The following CEP192 variants were observed in gnomAD, a reference collection of about 807,000 sequenced individuals.
The protein encoded by CEP192 is centrosomal protein of 192 kDa.
Under a neutral mutation model 271.8 loss-of-function variants are expected in CEP192, and 151 were observed. That is an observed-to-expected ratio of 0.56 (90% CI 0.49 to 0.64). The LOEUF (loss-of-function observed/expected upper bound fraction) is 0.64. Ranked by LOEUF, CEP192 falls within the 30% of genes least tolerant of loss-of-function variation. The pLI, the probability that CEP192 is intolerant of heterozygous loss-of-function variation, is 0.00. For missense variants in CEP192, 2,910 were observed against 3,020.5 expected (o/e 0.96, Z 0.86); for synonymous variants, 995 against 1,076.5 (o/e 0.92, Z 1.48).
Position 13,100,311 on chromosome 18 carries a change from G to C in CEP192, c.6670G>C (p.Val2224Leu). ...IHCDDGQKKI[V>L]KVQIREDLTQ... ...TTTATTTGGCTCATTTCAGAAAATT[G>C]TGAAAGTTCAAATTCGAGAAGATTT... The change falls in exon 38 of 45, where the codon GTG becomes CTG. Residue 2224 changes from valine (V) to leucine (L), a missense_variant. Coordinates refer to ENST00000506447, the MANE Select transcript of CEP192 (RefSeq NM_032142.4). 1 of 1,613,092 alleles carries C rather than the reference G, an allele frequency of 6.2e-7. No individual in the cohort carries two copies. The highest frequency in any genetic ancestry group is 8.5e-7 in the Non-Finnish European group (1 of 1,179,130).
rs1202712603 is a variant in CEP192 at position 13,073,070 on chromosome 18, C to T, written c.5501C>T (p.Pro1834Leu). ...AGTAACTGTGAGATCAGAATTCACC[C>T]AAAGGAAGACATTTTCATCTCTGTA... The part of the protein sequence containing the change: ...LTSNCEIRIH[P>L]KEDIFISVLF... Residue 1834 changes from proline (P) to leucine (L), a missense_variant, in exon 30 of 45, where the codon CCA becomes CTA. By Grantham distance (98) the Pro-to-Leu change is moderately conservative. Coordinates refer to ENST00000506447, the MANE Select transcript of CEP192 (RefSeq NM_032142.4). 6.2e-7 allele frequency: 1 copy of T among 1,613,724 alleles called. No individual in the cohort carries two copies. Among genetic ancestry groups the T allele is most frequent in the South Asian group, 1.1e-5 (1 of 90,952 alleles).
chr18:13,068,542 T>G, intron 24 of CEP192, 120 bp downstream of exon 24: 2 of 938,830 alleles, frequency 2.1e-6, no homozygotes, highest in Non-Finnish European at 3.2e-6. Context: ...CTATTTTATG[T>G]TTTTTTGAAA....
At position 13,087,192 on chromosome 18, in the gene CEP192, A is replaced by C; in HGVS notation, c.5792A>C (p.Lys1931Thr). The C allele has an allele frequency of 6.2e-7, 1 of 1,614,006 alleles. No homozygotes were observed. The highest frequency in any genetic ancestry group is 8.5e-7 in the Non-Finnish European group (1 of 1,179,882). ...GCTTTTGTTAAAGCAGTAGGTTTTA[A>C]GGATTCTCAGAAAAAAGTTTTGCTG... is the stretch of plus-strand genomic sequence containing the variant. Reference protein sequence around the residue: ...RAAFVKAVGFKDSQKKVLLDP... With the variant: ...RAAFVKAVGFTDSQKKVLLDP... The change falls in exon 31 of 45, where the codon AAG becomes ACG. Residue 1931 changes from lysine to threonine, a missense_variant. Physicochemically the swap from Lys to Thr is moderately conservative, Grantham distance 78 (BLOSUM62 -1). Transcript: ENST00000506447.
chr18:13,089,606 G>A, intron 33 of CEP192, 41 bp downstream of exon 33: 1 of 942,600 alleles, frequency 1.1e-6, no homozygotes, highest in Admixed American at 2.0e-5. Context: ...AATCTTTTGG[G>A]TCATTTATAG....
At chr18:13,007,503 T>G (rs2034058577) in intron 3 of CEP192, among the ~76,000 whole-genome samples, 1 of 152,158 alleles carries the variant, frequency 6.6e-6, no homozygotes, top group Non-Finnish European at 1.5e-5. Flanking sequence ...CCTGACTTGT[T>G]TATTTATTTC....
At chr18:13,073,878 G>A (rs183917588) in intron 30 of CEP192, among the ~76,000 whole-genome samples, 3 of 152,304 alleles carry the variant, frequency 2.0e-5, no homozygotes, top group East Asian at 1.9e-4. Context: ...GGACATCACC[G>A]TTTAGACCAT....
intron 10 of CEP192, among the ~76,000 whole-genome samples, 172 bp from the exon 11 acceptor site, chr18:13,030,293 A>G (rs1246236598): frequency 6.6e-6 from 1 of 152,162 alleles, no homozygotes; most frequent in Non-Finnish European, 1.5e-5. Context: ...CTTTCTATCA[A>G]AGAGATACTT....
intron 11 of CEP192, among the ~76,000 whole-genome samples, chr18:13,035,818 C>T (rs1385111708): frequency 1.3e-5 from 2 of 152,162 alleles, no homozygotes; most frequent in African/African-American, 4.8e-5. Flanking sequence ...TCCTGATGCT[C>T]ATTCCTAGGT....
chr18:13,062,446 T>G (rs1434313777), intron 21 of CEP192, among the ~76,000 whole-genome samples: 5 of 152,162 alleles, frequency 3.3e-5, no homozygotes, highest in African/African-American at 9.6e-5. Context: ...TGGCTAGATA[T>G]TGCCAATTTG....
chr18:13,035,923 T>C (rs1206777765), intron 11 of CEP192, among the ~76,000 whole-genome samples: 1 of 152,166 alleles, frequency 6.6e-6, no homozygotes, highest in East Asian at 1.9e-4. Context: ...GGTGAGTGAA[T>C]TGCTTGAGCC....
At chr18:13,022,155 T>G (rs1356166054) in intron 9 of CEP192, among the ~76,000 whole-genome samples, 1 of 152,202 alleles carries the variant, frequency 6.6e-6, no homozygotes, top group Non-Finnish European at 1.5e-5. Context: ...TTGCCATTGT[T>G]CCTTTGTCAA....
At chr18:13,038,232 G>A in intron 12 of CEP192, 138 bp from the exon 13 acceptor site, 2 of 667,158 alleles carry the variant, frequency 3.0e-6, no homozygotes, top group Non-Finnish European at 5.1e-6. Context: ...GCTTCAGTTT[G>A]TCCAATTTTT....
intron 36 of CEP192, among the ~76,000 whole-genome samples, chr18:13,098,040 ACTT>A (rs2039493319): frequency 1.3e-5 from 2 of 152,096 alleles, no homozygotes; most frequent in African/African-American, 4.8e-5. Flanking sequence ...TCCCATGTCT[ACTT>A]CTTTCTACAC....
chr18:13,029,767 T>A lies in CEP192; in HGVS notation c.1155T>A (p.Asp385Glu). The change falls in exon 10 of 45, where the codon GAT (aspartate) becomes GAA (glutamate). Residue 385 changes from aspartate (D) to glutamate (E), a missense_variant. By Grantham distance (45) the Asp-to-Glu change is conservative (BLOSUM62 2). Transcript: ENST00000506447. ...HDANANRGGF[D>E]LTDPVKQGAE... ...CAAATGCCAATAGAGGTGGTTTTGA[T>A]CTGACTGACCCTGTAAAACAGGGGG... 2 of 1,551,644 alleles carry A rather than the reference T, an allele frequency of 1.3e-6. No homozygotes were observed. The highest frequency in any genetic ancestry group is 1.7e-6 in the Non-Finnish European group (2 of 1,146,942).
rs999668148 is a variant in CEP192 at position 13,053,166 on chromosome 18, A to G, written c.3189+76A>G. 8.0e-6 allele frequency: 10 copies of G among 1,245,530 alleles called. No homozygotes were observed. In the African/African-American group the frequency reaches 1.2e-4, roughly 15 times the overall value. The allele number at this position is 1,245,530 out of a possible 1,614,324, so 77.2% of individuals were successfully genotyped here. A position where few individuals can be genotyped will look rare whatever the true frequency, so the allele number is the denominator to read the frequency against. On this transcript the variant is annotated intron_variant, in intron 18 of 44. Coordinates refer to ENST00000506447, the MANE Select transcript of CEP192 (RefSeq NM_032142.4). ...TGTTAACAGATGTTTGATTCAGACTACAGTTCAAGCCTATATAACTTCAGT... is the reference window on the plus strand; with the variant it reads ...TGTTAACAGATGTTTGATTCAGACTGCAGTTCAAGCCTATATAACTTCAGT...
At chr18:13,064,580 C>T (rs2037587312) in intron 21 of CEP192, among the ~76,000 whole-genome samples, 1 of 149,980 alleles carries the variant, frequency 6.7e-6, no homozygotes, top group South Asian at 2.1e-4. Flanking sequence ...CCACTGCACT[C>T]CAGCCTGGGC....
In CEP192 at chr18:13,021,290, A is replaced by G. The variant is rs1422071028; in HGVS notation, c.1050+2084A>G. Reference sequence around the variant, plus strand: ...ATTTGTTTCGAGTTTATTTTTATATATAGTGTTAGGTAAGGGTCTAACTAA... The same window carrying G: ...ATTTGTTTCGAGTTTATTTTTATATGTAGTGTTAGGTAAGGGTCTAACTAA... On this transcript the variant is annotated intron_variant, in intron 9 of 44. Transcript: ENST00000506447. Among the ~76,000 whole-genome samples, 13 of 152,224 alleles carry G rather than the reference A, an allele frequency of 8.5e-5. 1 individual carries two copies. The highest frequency in any genetic ancestry group is 8.5e-4 in the Admixed American group (13 of 15,286).
chr18:13,069,341 A>C (rs1165052001), intron 26 of CEP192, among the ~76,000 whole-genome samples, 160 bp downstream of exon 26: 6 of 152,230 alleles, frequency 3.9e-5, no homozygotes, highest in Non-Finnish European at 8.8e-5. Context: ...GTTATATAGC[A>C]TAAAATATAT....
At chr18:13,099,187 GGGGAGGGGGAGAGGGAGAGGGAGA>G (rs1051644841) in intron 36 of CEP192, among the ~76,000 whole-genome samples, 1 of 150,626 alleles carries the variant, frequency 6.6e-6, no homozygotes, top group Non-Finnish European at 1.5e-5. Flanking sequence ...GGAGGGGGAG[GGGGAGGGGGAGAGGGAGAGGGAGA>G]GGGCGGCATG....
Sources: allele counts gnomAD v4.1 joint callset (sites outside exome capture counted in the v4.1 genomes callset), GRCh38; gene constraint gnomAD v4.1.1; transcripts MANE v1.5; gene names NCBI Gene and HGNC (gene_info 2026-07-23, HGNC 2026-07-21).